Variants in DNAH1 observed in about 807,000 individuals in gnomAD.
DNAH1 encodes axonemal beta dynein heavy chain 1.
A neutral mutation model predicts 484.3 loss-of-function variants in DNAH1; 327 were observed. The observed-to-expected ratio is 0.68, with a 90% CI of 0.62 to 0.74. The LOEUF (loss-of-function observed/expected upper bound fraction) is 0.74. Among genes scored for constraint, DNAH1 ranks in the 30% least tolerant of loss-of-function variants. The pLI, the probability that DNAH1 is intolerant of heterozygous loss-of-function variation, is 0.00. For synonymous variants in DNAH1, 2,192 were observed against 2,191.9 expected (o/e 1.00, Z 0.00); for missense variants, 5,052 against 5,546.8 (o/e 0.91, Z 2.83).
chr3:52,353,535 C>T lies in DNAH1; in HGVS notation c.3382C>T (p.Leu1128=). ...ININVRPKAN[L]TFARCLEMNL... ...CATCAATGTCAGGCCCAAGGCCAAC[C>T]TGACCTTTGCTCGCTGCCTGGAGAT... is the stretch of plus-strand genomic sequence containing the variant. Residue 1128 remains leucine (L), a synonymous_variant, in exon 20 of 78, where the codon CTG becomes TTG. Coordinates refer to ENST00000420323, the MANE Select transcript of DNAH1 (RefSeq NM_015512.5). The surrounding 1 kb of genome is among the most constrained non-coding windows in gnomAD (Gnocchi z 5.0). 2 of 1,613,814 alleles carry T rather than the reference C, an allele frequency of 1.2e-6. No homozygotes were observed. Among genetic ancestry groups the T allele is most frequent in the Non-Finnish European group, 1.7e-6 (2 of 1,179,854 alleles).
At chr3:52,317,797 C>G (rs1204674831) in intron 1 of DNAH1, 1 of 152,242 alleles carries the variant, frequency 6.6e-6, no homozygotes, top group African/African-American at 2.4e-5. Flanking sequence ...GGTTCGCGGA[C>G]GGAAGCTCCC....
intron 8 of DNAH1, among the ~76,000 whole-genome samples, chr3:52,337,522 G>A (rs563779324): frequency 2.6e-5 from 4 of 152,190 alleles, no homozygotes; most frequent in African/African-American, 9.6e-5. Flanking sequence ...CCTTTTTCTT[G>A]TAATAAGCCC....
chr3:52,347,218 T>C (rs1702179870), intron 11 of DNAH1, among the ~76,000 whole-genome samples: 1 of 150,116 alleles, frequency 6.7e-6, no homozygotes, highest in South Asian at 2.1e-4. Flanking sequence ...TATGAGGCGA[T>C]GTGAGGTGGA....
At chr3:52,315,215 G>A (rs1163986074), upstream of DNAH1, among the ~76,000 whole-genome samples, 3 of 152,146 alleles carry the variant, frequency 2.0e-5, no homozygotes, top group African/African-American at 7.2e-5. Flanking sequence ...ATAGCTCAGA[G>A]CTCCAGGCCT....
chr3:52,389,024 G>T, intron 59 of DNAH1, 87 bp downstream of exon 59: 4 of 1,425,212 alleles, frequency 2.8e-6, no homozygotes, highest in Non-Finnish European at 3.7e-6. Context: ...ATGATAGGCA[G>T]CCTGCAGGTG....
At chr3:52,336,352 A>T (rs760138021) in intron 8 of DNAH1, among the ~76,000 whole-genome samples, 1 of 152,168 alleles carries the variant, frequency 6.6e-6, no homozygotes, top group Non-Finnish European at 1.5e-5. Context: ...GGAGTTCAAG[A>T]TCAGCCTGGA....
At position 52,350,055 on chromosome 3, in the gene DNAH1, G is replaced by T. The variant is rs1363837952; in HGVS notation, c.2593G>T (p.Ala865Ser). 5 of 1,613,266 alleles carry T rather than the reference G, an allele frequency of 3.1e-6. No individual in the cohort carries two copies. Among genetic ancestry groups the T allele is most frequent in the Non-Finnish European group, 8.5e-7 (1 of 1,179,782 alleles). The change falls in exon 15 of 78, where the codon GCT becomes TCT. Residue 865 changes from alanine (A) to serine (S), a missense_variant. By Grantham distance (99) the Ala-to-Ser change is moderately conservative. This residue lies in a region of DNAH1 where 1,263 missense variants were observed against 1,218.8 expected (regional missense o/e 1.04). Transcript: ENST00000420323. ...YEKPNSIEELAELREWMKGIP... is the reference protein window; with the variant it reads ...YEKPNSIEELSELREWMKGIP... The stretch of plus-strand genomic sequence containing the variant: ...GAAGCCCAACAGCATTGAGGAGCTG[G>T]CTGAGCTGCGAGAGTGGATGAAGGG...
In DNAH1 at chr3:52,364,824, C is replaced by T; in HGVS notation, c.5332-9C>T. On this transcript the variant is annotated splice_polypyrimidine_tract_variant and intron_variant, in intron 33 of 77. Transcript: ENST00000420323. The surrounding 1 kb of genome is among the most constrained non-coding windows in gnomAD (Gnocchi z 4.2). ...ACTGCCCTGAAGGCTCAGCCGGCACCTGCTGCAGGAGCTGATCTGCCTCCG... is the reference window on the plus strand; with the variant it reads ...ACTGCCCTGAAGGCTCAGCCGGCACTTGCTGCAGGAGCTGATCTGCCTCCG... 1.2e-6 allele frequency: 2 copies of T among 1,611,944 alleles called. No homozygotes were observed. The highest frequency in any genetic ancestry group is 1.1e-5 in the South Asian group (1 of 90,956).
At position 52,395,938 on chromosome 3, in the gene DNAH1, C is replaced by CTT. The variant is rs757791993; in HGVS notation, c.11259+277_11259+278dup. ...CCGTGACCTGGGACTTGCCAAAGCC[C>CTT]TTTTTTTTTTTTTTTTTTCAGACGG... On this transcript the variant is annotated intron_variant, in intron 70 of 77. Transcript: ENST00000420323. This position sits in a 1 kb window ranked among gnomAD's most constrained non-coding sequence, Gnocchi z 4.4. Among the ~76,000 whole-genome samples the CTT allele has an allele frequency of 3.8e-4, 50 of 133,046 alleles. 1 individual carries two copies. The East Asian group carries it at 5.0e-3, about 13-fold the overall frequency. The allele number at this position is 133,046 out of a possible 152,430, so 87.3% of individuals were successfully genotyped here. A position where few individuals can be genotyped will look rare whatever the true frequency, so the allele number is the denominator to read the frequency against.
rs780039638 is a variant in DNAH1 at position 52,378,754 on chromosome 3, C to T, written c.7351C>T (p.Leu2451Phe). 5 of 1,613,656 alleles carry T rather than the reference C, an allele frequency of 3.1e-6. No homozygotes were observed. The African/African-American group carries it at 4.0e-5, about 13-fold the overall frequency. Residue 2451 changes from leucine (L) to phenylalanine (F), a missense_variant, in exon 47 of 78, where the codon CTC becomes TTC. By Grantham distance (22) the Leu-to-Phe change is conservative. Around this residue, in one of 4 missense-constraint regions of DNAH1, gnomAD observed 2,929 missense variants for 3,409.4 expected, o/e 0.86. Coordinates refer to ENST00000420323, the MANE Select transcript of DNAH1 (RefSeq NM_015512.5). Reference protein sequence around the residue: ...RDLSKVFQGMLMADPAKVEDQ... With the variant: ...RDLSKVFQGMFMADPAKVEDQ... ...CCTCTCCAAGGTCTTCCAAGGCATG[C>T]TCATGGCTGACCCGGCCAAGGTCGA...
chr3:52,331,783 C>T (rs1383235542), intron 7 of DNAH1, among the ~76,000 whole-genome samples: 2 of 152,032 alleles, frequency 1.3e-5, no homozygotes, highest in Non-Finnish European at 2.9e-5. Context: ...CACGACCACA[C>T]CCAGCTACTT....
rs1285726831 is a variant in DNAH1 at position 52,359,916 on chromosome 3, C to CTCAGTGA, written c.4411_4417dup (p.Leu1473GlnfsTer2). ...TTGACAGTGCACCCCATTTCTGCAGCTCAGTGATCTGGTGGCCCTTGTGCG... is the reference window on the plus strand; with the variant it reads ...TTGACAGTGCACCCCATTTCTGCAGCTCAGTGATCAGTGATCTGGTGGCCCTTGTGCG... On this transcript the variant is annotated frameshift_variant and splice_region_variant, in exon 27 of 78. Coordinates refer to ENST00000420323, the MANE Select transcript of DNAH1 (RefSeq NM_015512.5). LOFTEE classifies it high-confidence loss of function. 1 of 1,613,714 alleles carries CTCAGTGA rather than the reference C, an allele frequency of 6.2e-7. No homozygotes were observed.
chr3:52,333,788 C>T (rs909124295), intron 8 of DNAH1, among the ~76,000 whole-genome samples: 2 of 152,004 alleles, frequency 1.3e-5, no homozygotes, highest in East Asian at 3.9e-4. Context: ...ATTTTCAGTA[C>T]AGTATTCAAT....
chr3:52,327,848 T>C, intron 5 of DNAH1, 34 bp from the exon 6 acceptor site: 1 of 1,608,286 alleles, frequency 6.2e-7, no homozygotes, highest in Non-Finnish European at 8.5e-7. Context: ...CTAGAGGAGC[T>C]GCTTCTTCCC....
rs763045954 is a variant in DNAH1, at chr3:52,372,299, C to G, written c.6739C>G (p.Leu2247Val). ...TGACAAGCTCCTCAAGAACCTGGCA[C>G]TGGATTACATCAGCCACTTCCTCAC... Reference protein sequence around the residue: ...ISDKLLKNLALDYISHFLTFS... With the variant: ...ISDKLLKNLAVDYISHFLTFS... The change falls in exon 43 of 78, where the codon CTG becomes GTG. Residue 2247 changes from leucine (L) to valine (V), a missense_variant. This residue lies in a region of DNAH1 where 2,929 missense variants were observed against 3,409.4 expected (regional missense o/e 0.86). Coordinates refer to ENST00000420323, the MANE Select transcript of DNAH1 (RefSeq NM_015512.5). 2.4e-5 allele frequency: 38 copies of G among 1,613,902 alleles called. No individual in the cohort carries two copies. The Admixed American group carries it at 6.2e-4, about 26-fold the overall frequency.
chr3:52,326,297 C>G lies in DNAH1; in HGVS notation c.564C>G (p.Arg188=). The G allele has an allele frequency of 6.2e-7, 1 of 1,608,620 alleles. No individual in the cohort carries two copies. The highest frequency in any genetic ancestry group is 2.2e-5 in the East Asian group (1 of 44,882). The change falls in exon 4 of 78, where the codon CGC becomes CGG. Residue 188 remains arginine, a synonymous_variant. Transcript: ENST00000420323. ...PFQVLPGQHP[R]KIEIERRKQQ... ...AGGTGCTGCCAGGCCAGCATCCTCG[C>G]AAGATTGAGATCGAGAGGTACGGCT...
chr3:52,317,069 T>C (rs1345164800), intron 1 of DNAH1, among the ~76,000 whole-genome samples: 1 of 152,222 alleles, frequency 6.6e-6, no homozygotes, highest in Non-Finnish European at 1.5e-5. Flanking sequence ...CTCTTTGTCT[T>C]TTTATCTAGC....
chr3:52,379,647 C>G lies in DNAH1; in HGVS notation c.7378-258C>G, dbSNP rs988606278. ...TGACAAGCTAGCAGAGCCAGACACC[C>G]AGAGGGCACTTGGCCAGCTGGACTC... On this transcript the variant is annotated intron_variant, in intron 47 of 77. Transcript: ENST00000420323. This position sits in a 1 kb window ranked among gnomAD's most constrained non-coding sequence, Gnocchi z 4.4. 6.6e-6 allele frequency among the ~76,000 whole-genome samples: 1 copy of G among 152,162 alleles called. No individual in the cohort carries two copies. The highest frequency in any genetic ancestry group is 2.4e-5 in the African/African-American group (1 of 41,428).
rs772332740 is a variant in DNAH1, at chr3:52,353,611, G to A, written c.3458G>A (p.Gly1153Asp). ...ATCAGCAAGGTGGCTGAGGTGGCTG[G>A]CAAGGAGTACGCCATCGAGCAGGTG... ...ESISKVAEVA[G>D]KEYAIEQALD... Residue 1153 changes from glycine (G) to aspartate (D), a missense_variant, in exon 20 of 78, where the codon GGC (glycine) becomes GAC (aspartate). By Grantham distance (94) the Gly-to-Asp change is moderately conservative. Coordinates refer to ENST00000420323, the MANE Select transcript of DNAH1 (RefSeq NM_015512.5). This position sits in a 1 kb window ranked among gnomAD's most constrained non-coding sequence, Gnocchi z 5.0. 5.6e-6 allele frequency: 9 copies of A among 1,603,464 alleles called. No homozygotes were observed. The Admixed American group carries it at 1.0e-4, about 18-fold the overall frequency.
Sources: allele counts gnomAD v4.1 joint callset (sites outside exome capture counted in the v4.1 genomes callset), GRCh38; gene constraint gnomAD v4.1.1; regional missense constraint gnomAD v4.1.1; non-coding constraint Gnocchi (gnomAD v3.1); transcripts MANE v1.5; gene names NCBI Gene and HGNC (gene_info 2026-07-23, HGNC 2026-07-21).